The following TSHZ2 variants were observed in gnomAD, a reference collection of about 807,000 sequenced individuals.
The protein encoded by TSHZ2 is teashirt homolog 2.
A neutral mutation model predicts 74.4 loss-of-function variants in TSHZ2; 21 were observed. The ratio of observed to expected loss-of-function variants is 0.28; its 90% CI spans 0.20 to 0.41. The LOEUF (loss-of-function observed/expected upper bound fraction) is 0.41. Ranked by LOEUF, TSHZ2 falls within the 10% of genes least tolerant of loss-of-function variation. The pLI is 1.00. For synonymous variants in TSHZ2, 540 were observed against 515.3 expected (o/e 1.05, Z -0.65); for missense variants, 1,244 against 1,293.5 (o/e 0.96, Z 0.59).
intron 1 of TSHZ2, among the ~76,000 whole-genome samples, chr20:53,141,832 CTGAG>C (rs1488969144): frequency 6.6e-6 from 1 of 152,226 alleles, no homozygotes; most frequent in Non-Finnish European, 1.5e-5. Flanking sequence ...GCGCTAAGGG[CTGAG>C]TAAGCCACAG....
intron 2 of TSHZ2, among the ~76,000 whole-genome samples, chr20:53,319,919 C>A (rs1042680432): frequency 9.9e-5 from 15 of 152,196 alleles, no homozygotes; most frequent in Non-Finnish European, 2.1e-4. Context: ...TGGCTAGATA[C>A]CAAATGTTTC....
chr20:52,998,245 T>C (rs536577251), intron 1 of TSHZ2, among the ~76,000 whole-genome samples: 2 of 152,184 alleles, frequency 1.3e-5, no homozygotes, highest in Non-Finnish European at 2.9e-5. Context: ...CTTGGCTCAC[T>C]GCAGCCTCTG....
At chr20:53,345,083 A>AACACAG in intron 2 of TSHZ2, among the ~76,000 whole-genome samples, 1 of 152,360 alleles carries the variant, frequency 6.6e-6, no homozygotes, top group South Asian at 2.1e-4. Context: ...AAGAGCATCT[A>AACACAG]ACACAGACAG....
intron 1 of TSHZ2, among the ~76,000 whole-genome samples, chr20:53,159,995 G>T (rs533825182): frequency 6.6e-6 from 1 of 152,306 alleles, no homozygotes; most frequent in Non-Finnish European, 1.5e-5. Context: ...TGTGTTTGAG[G>T]TAGGAGCTGA....
intron 1 of TSHZ2, among the ~76,000 whole-genome samples, chr20:53,129,653 A>G (rs952662491): frequency 6.6e-6 from 1 of 152,198 alleles, no homozygotes. Context: ...TCCTTATGAA[A>G]CATGACATTA....
chr20:53,213,393 G>A (rs951046018), intron 1 of TSHZ2, among the ~76,000 whole-genome samples: 1 of 152,176 alleles, frequency 6.6e-6, no homozygotes, highest in Non-Finnish European at 1.5e-5. Context: ...GCACCTGGAT[G>A]CTTCGTTACA....
intron 2 of TSHZ2, among the ~76,000 whole-genome samples, chr20:53,346,709 G>A (rs169269): frequency 0.54 from 81,460 of 151,960 alleles, 22,264 homozygotes; most frequent in African/African-American, 0.63. Context: ...GGAAGTGTCC[G>A]TCTCAAATTA....
chr20:53,083,215 A>G (rs886152919), intron 1 of TSHZ2, among the ~76,000 whole-genome samples: 1 of 152,230 alleles, frequency 6.6e-6, no homozygotes, highest in Non-Finnish European at 1.5e-5. Context: ...CATCTGTGCA[A>G]TCGTCCAACC....
intron 1 of TSHZ2, among the ~76,000 whole-genome samples, chr20:53,214,649 G>A (rs1244625033): frequency 6.6e-6 from 1 of 152,142 alleles, no homozygotes; most frequent in African/African-American, 2.4e-5. Context: ...GGAGGTGGAG[G>A]CCGAGGTGAC....
intron 1 of TSHZ2, among the ~76,000 whole-genome samples, chr20:53,132,560 A>G (rs1164385262): frequency 2.0e-5 from 3 of 152,152 alleles, no homozygotes; most frequent in Admixed American, 6.6e-5. Flanking sequence ...GATTACAGGC[A>G]TAAGCCATGA....
chr20:53,389,229 G>A (rs931121734), intron 2 of TSHZ2, among the ~76,000 whole-genome samples: 63 of 152,274 alleles, frequency 4.1e-4, no homozygotes, highest in African/African-American at 1.3e-3. Context: ...ATCAGCACTC[G>A]TAAAAATGAC....
rs1356648078 is a variant in TSHZ2 at position 53,481,066 on chromosome 20, C to A, written c.*9-6078C>A. On this transcript the variant is annotated intron_variant, in intron 2 of 2. Coordinates refer to ENST00000371497, the MANE Select transcript of TSHZ2 (RefSeq NM_173485.6). ...TAGAAAAAAAAATGCAGCAGCAAAG[C>A]CCAGCCTCAACTACCATTTGAGAGG... is the stretch of plus-strand genomic sequence containing the variant. Among the ~76,000 whole-genome samples, 5 of 151,726 alleles carry A rather than the reference C, an allele frequency of 3.3e-5. No homozygotes were observed. In the East Asian group the frequency reaches 9.6e-4, roughly 29 times the overall value.
chr20:53,373,666 A>G (rs1981557485), intron 2 of TSHZ2, among the ~76,000 whole-genome samples: 1 of 152,178 alleles, frequency 6.6e-6, no homozygotes, highest in African/African-American at 2.4e-5. Context: ...AGCCAACAGG[A>G]TTTTCTGGTG....
chr20:52,986,366 T>C (rs1600630710), intron 1 of TSHZ2, among the ~76,000 whole-genome samples: 1 of 140,842 alleles, frequency 7.1e-6, no homozygotes, highest in African/African-American at 2.7e-5. Flanking sequence ...ATTATGCCAC[T>C]GCACTCCAGC....
chr20:53,058,030 G>C (rs761664881), intron 1 of TSHZ2, among the ~76,000 whole-genome samples: 2 of 152,280 alleles, frequency 1.3e-5, no homozygotes, highest in African/African-American at 2.4e-5. Flanking sequence ...GGATGAAACT[G>C]TTCCACCTCA....
intron 1 of TSHZ2, among the ~76,000 whole-genome samples, chr20:53,134,531 G>C (rs1489492457): frequency 2.0e-5 from 3 of 152,060 alleles, no homozygotes; most frequent in Non-Finnish European, 4.4e-5. Flanking sequence ...ATTTGGAAAG[G>C]GGGGAGTTTG....
chr20:53,000,579 AAT>A (rs1178474850), intron 1 of TSHZ2, among the ~76,000 whole-genome samples: 8 of 152,096 alleles, frequency 5.3e-5, no homozygotes, highest in African/African-American at 4.8e-5. Flanking sequence ...ATTTTTAAAA[AAT>A]AATAATACAG....
chr20:53,382,867 T>C (rs1311642497), intron 2 of TSHZ2, among the ~76,000 whole-genome samples: 1 of 152,232 alleles, frequency 6.6e-6, no homozygotes, highest in Non-Finnish European at 1.5e-5. Context: ...CTCTCAGTTC[T>C]ATGACCTTGG....
At chr20:53,297,642 C>G (rs754143491) in intron 2 of TSHZ2, among the ~76,000 whole-genome samples, 8 of 152,242 alleles carry the variant, frequency 5.3e-5, no homozygotes, top group Non-Finnish European at 7.3e-5. Context: ...AGCAGGAACT[C>G]TGCAGTCTCA....
Sources: allele counts gnomAD v4.1 joint callset (sites outside exome capture counted in the v4.1 genomes callset), GRCh38; gene constraint gnomAD v4.1.1; transcripts MANE v1.5; gene names NCBI Gene and HGNC (gene_info 2026-07-23, HGNC 2026-07-21).